Variants in MYO7A observed in about 807,000 individuals in gnomAD.
The protein encoded by MYO7A is myosin VIIA, also known as unconventional myosin-VIIa.
In MYO7A, 210 loss-of-function variants were observed where a neutral mutation model predicts 263.8. The observed-to-expected ratio is 0.80, with a 90% CI of 0.71 to 0.89. The LOEUF is 0.89. MYO7A is among the 40% of genes least tolerant of loss of function. MYO7A has a pLI of 0.00. For missense variants in MYO7A, 2,820 were observed against 2,968.3 expected (o/e 0.95, Z 1.16); for synonymous variants, 1,239 against 1,197.3 (o/e 1.03, Z -0.72).
At chr11:77,205,836 C>G (rs536772129) in intron 40 of MYO7A, among the ~76,000 whole-genome samples, 2 of 152,166 alleles carry the variant, frequency 1.3e-5, no homozygotes, top group Non-Finnish European at 2.9e-5. Context: ...AGCTCCCAGG[C>G]TATCGGGTGG....
intron 35 of MYO7A, among the ~76,000 whole-genome samples, chr11:77,200,660 TC>T (rs1957003347): frequency 6.6e-6 from 1 of 152,212 alleles, no homozygotes; most frequent in East Asian, 1.9e-4. Flanking sequence ...AGGATCTTGT[TC>T]CCATCTTTCC....
At chr11:77,155,082 C>G (rs1294268317) in intron 4 of MYO7A, among the ~76,000 whole-genome samples, 2 of 152,180 alleles carry the variant, frequency 1.3e-5, no homozygotes, top group African/African-American at 4.8e-5. Flanking sequence ...CCTGCCTGAC[C>G]TTTTCAAGTT....
chr11:77,214,741 C>G lies in MYO7A; in HGVS notation c.*45C>G. 6.9e-7 allele frequency: 1 copy of G among 1,439,296 alleles called. No individual in the cohort carries two copies. Among genetic ancestry groups the G allele is most frequent in the Non-Finnish European group, 9.6e-7 (1 of 1,045,992 alleles). 89.2% of individuals were successfully genotyped at this position (1,439,296 alleles called of 1,614,324 possible). A position where few individuals can be genotyped will look rare whatever the true frequency, so the allele number is the denominator to read the frequency against. ...GGTTCCATGCCTGCTCTCGAGGCAG[C>G]AGTGGGTTCAGGCCCATCAGCTACC... On this transcript the variant is annotated 3_prime_UTR_variant, in exon 49 of 49. Coordinates refer to ENST00000409709, the MANE Select transcript of MYO7A (RefSeq NM_000260.4).
At chr11:77,157,209 C>A in intron 7 of MYO7A, 70 bp from the exon 8 acceptor site, 2 of 1,399,570 alleles carry the variant, frequency 1.4e-6, no homozygotes, top group East Asian at 2.4e-5. Context: ...AACCATCATC[C>A]CAGGCTAGTT....
rs781836414 is a variant in MYO7A, at chr11:77,157,410, C to G, written c.849+18C>G. ...TGGCCATGGTGAGGCCCAGGTGGGCCCCTGGGTAGGGGGGCACCCACCCTA... is the reference window on the plus strand; with the variant it reads ...TGGCCATGGTGAGGCCCAGGTGGGCGCCTGGGTAGGGGGGCACCCACCCTA... On this transcript the variant is annotated intron_variant, in intron 8 of 48. Coordinates refer to ENST00000409709, the MANE Select transcript of MYO7A (RefSeq NM_000260.4). 1.8e-5 allele frequency: 28 copies of G among 1,571,676 alleles called. No individual in the cohort carries two copies. Among genetic ancestry groups the G allele is most frequent in the Non-Finnish European group, 2.4e-5 (28 of 1,152,942 alleles).
chr11:77,164,610 A>G (rs1262783885), intron 14 of MYO7A, among the ~76,000 whole-genome samples: 1 of 152,242 alleles, frequency 6.6e-6, no homozygotes, highest in Non-Finnish European at 1.5e-5. Context: ...GGAAGCAGAC[A>G]TTAAGTTTGA....
chr11:77,173,992 T>C (rs1163842383), intron 16 of MYO7A, among the ~76,000 whole-genome samples: 2 of 151,928 alleles, frequency 1.3e-5, no homozygotes, highest in Non-Finnish European at 2.9e-5. Context: ...GGCAATAGCC[T>C]CCTCAAGGGT....
intron 2 of MYO7A, among the ~76,000 whole-genome samples, chr11:77,140,517 G>GCGAACA (rs1951145312): frequency 6.6e-6 from 1 of 152,218 alleles, no homozygotes; most frequent in South Asian, 2.1e-4. Context: ...TTGCCCACAA[G>GCGAACA]CGAACACGCT....
chr11:77,202,810 G>C (rs560399677), intron 37 of MYO7A, among the ~76,000 whole-genome samples: 35 of 152,154 alleles, frequency 2.3e-4, no homozygotes, highest in African/African-American at 7.5e-4. Flanking sequence ...GGGGGCGCAG[G>C]GTGGTGGGGG....
chr11:77,191,972 A>G, intron 30 of MYO7A, 79 bp from the exon 31 acceptor site: 2 of 1,309,778 alleles, frequency 1.5e-6, no homozygotes, highest in Non-Finnish European at 2.1e-6. Flanking sequence ...TTCTGTCTGA[A>G]CTGACCGTTG....
chr11:77,170,633 G>A (rs182433886), intron 15 of MYO7A, among the ~76,000 whole-genome samples: 8 of 152,328 alleles, frequency 5.3e-5, no homozygotes, highest in Admixed American at 2.0e-4. Flanking sequence ...AAGGCCCTGT[G>A]CTGTAGGGTG....
intron 27 of MYO7A, among the ~76,000 whole-genome samples, chr11:77,188,691 T>C (rs1555089756): frequency 6.6e-6 from 1 of 152,206 alleles, no homozygotes; most frequent in African/African-American, 2.4e-5. Context: ...AGGTGTGTCA[T>C]AAGCCTTGGC....
At chr11:77,199,923 A>T in intron 35 of MYO7A, 105 bp downstream of exon 35, 1 of 1,183,108 alleles carries the variant, frequency 8.5e-7, no homozygotes, top group Non-Finnish European at 1.1e-6. Flanking sequence ...AGGCTGGGAG[A>T]TTTATGAAGA....
intron 27 of MYO7A, among the ~76,000 whole-genome samples, chr11:77,187,316 ATGCAATGTCTGC>A (rs1449371105): frequency 6.6e-6 from 1 of 152,242 alleles, no homozygotes; most frequent in African/African-American, 2.4e-5. Context: ...TTTGTAAAAA[ATGCAATGTCTGC>A]AAAGTGTAAT....
intron 35 of MYO7A, 136 bp from the exon 36 acceptor site, chr11:77,201,308 CTGTA>C: frequency 1.2e-6 from 1 of 819,302 alleles, no homozygotes; most frequent in Non-Finnish European, 2.0e-6. Flanking sequence ...GTGATGGTCT[CTGTA>C]TGGAGAGTTG....
rs782186293 is a variant in MYO7A at position 77,156,860 on chromosome 11, A to C, written c.593-2A>C. 1 of 1,613,972 alleles carries C rather than the reference A, an allele frequency of 6.2e-7. No individual in the cohort carries two copies. The highest frequency in any genetic ancestry group is 1.1e-5 in the South Asian group (1 of 91,088). ...GCCAGTGACACCCTACTCACTCCGC[A>C]GCATTTGGGAATGCCAAGACCATCC... On this transcript the variant is annotated splice_acceptor_variant, in intron 6 of 48. Transcript: ENST00000409709. LOFTEE classifies it high-confidence loss of function.
intron 14 of MYO7A, among the ~76,000 whole-genome samples, chr11:77,165,326 A>G (rs563601215): frequency 1.3e-5 from 2 of 151,816 alleles, no homozygotes; most frequent in African/African-American, 2.4e-5. Context: ...GCCCCACTCT[A>G]CAACCCCCTC....
intron 15 of MYO7A, among the ~76,000 whole-genome samples, chr11:77,167,935 AC>A (rs1953710454): frequency 1.3e-5 from 2 of 151,864 alleles, no homozygotes; most frequent in Admixed American, 6.6e-5. Flanking sequence ...CACAAGGCCA[AC>A]CTGAGAGAGG....
At chr11:77,155,447 G>T (rs570156534) in intron 4 of MYO7A, among the ~76,000 whole-genome samples, 1 of 152,108 alleles carries the variant, frequency 6.6e-6, no homozygotes, top group Admixed American at 6.5e-5. Flanking sequence ...AATTTCTCAC[G>T]CCCCTCTTCC....
Sources: allele counts gnomAD v4.1 joint callset (sites outside exome capture counted in the v4.1 genomes callset), GRCh38; gene constraint gnomAD v4.1.1; transcripts MANE v1.5; gene names NCBI Gene and HGNC (gene_info 2026-07-23, HGNC 2026-07-21).